Variants in GAB2 observed in about 807,000 individuals in gnomAD.
GAB2 encodes the protein GRB2 associated binding protein 2.
GAB2 carries 26 observed loss-of-function variants against 65.5 expected under a neutral mutation model. The ratio of observed to expected loss-of-function variants is 0.40; its 90% CI spans 0.29 to 0.55. The LOEUF (loss-of-function observed/expected upper bound fraction) is 0.55. Among genes scored for constraint, GAB2 ranks in the 20% least tolerant of loss-of-function variants. The pLI is 0.53. For synonymous variants in GAB2, 321 were observed against 329.6 expected (o/e 0.97, Z 0.28); for missense variants, 884 against 875.8 (o/e 1.01, Z -0.12).
chr11:78,257,339 C>T (rs1022628094), intron 2 of GAB2, among the ~76,000 whole-genome samples: 2 of 152,198 alleles, frequency 1.3e-5, no homozygotes, highest in African/African-American at 2.4e-5. Flanking sequence ...TATCCCCACC[C>T]TCAAGCCTCA....
At position 78,217,462 on chromosome 11, in the gene GAB2, T is replaced by G. The variant is rs999320565; in HGVS notation, c.*1810A>C. 6.6e-6 allele frequency: 1 copy of G among 152,252 alleles called. No homozygotes were observed. The highest frequency in any genetic ancestry group is 2.4e-5 in the African/African-American group (1 of 41,438). 9.4% of individuals were successfully genotyped at this position (152,252 alleles called of 1,614,324 possible). On this transcript the variant is annotated 3_prime_UTR_variant, in exon 10 of 10. Coordinates refer to ENST00000361507, the MANE Select transcript of GAB2 (RefSeq NM_080491.3). ...GCTAGGCCATTGGTCTGGTGAACTA[T>G]GCATGCTCATGGGAGCTGAAAGGGG...
chr11:78,253,318 G>A (rs962270075), intron 2 of GAB2, among the ~76,000 whole-genome samples: 2 of 152,038 alleles, frequency 1.3e-5, no homozygotes, highest in Non-Finnish European at 2.9e-5. Context: ...TAGAGACATG[G>A]TCTTGCTCTG....
At chr11:78,316,859 AGAAG>A (rs2134654237) in intron 1 of GAB2, among the ~76,000 whole-genome samples, 1 of 152,380 alleles carries the variant, frequency 6.6e-6, no homozygotes, top group Non-Finnish European at 1.5e-5. Flanking sequence ...AGCATTAGTC[AGAAG>A]AGCCAAAAGG....
At chr11:78,292,029 T>TGTGTGTGTGTGTGAGA (rs10577079) in intron 1 of GAB2, among the ~76,000 whole-genome samples, 1 of 105,886 alleles carries the variant, frequency 9.4e-6, no homozygotes. Context: ...TGTGTGTGTG[T>TGTGTGTGTGTGTGAGA]GAGAGAGAGA....
intron 1 of GAB2, among the ~76,000 whole-genome samples, chr11:78,367,288 C>T (rs1856509546): frequency 6.6e-6 from 1 of 152,218 alleles, no homozygotes; most frequent in Admixed American, 6.5e-5. Flanking sequence ...AGACAAAAAT[C>T]CTGCCTTCGA....
chr11:78,340,363 A>G (rs1308628193), intron 1 of GAB2, among the ~76,000 whole-genome samples: 1 of 152,218 alleles, frequency 6.6e-6, no homozygotes, highest in African/African-American at 2.4e-5. Flanking sequence ...AGATGGGCTG[A>G]GAATCAATGA....
intron 3 of GAB2, 21 bp from the exon 4 acceptor site, chr11:78,227,072 A>G (rs1864690945): frequency 1.3e-6 from 2 of 1,491,556 alleles, no homozygotes; most frequent in Non-Finnish European, 1.9e-6. Flanking sequence ...AAGAAGGGAA[A>G]GGGCAGGAGG....
Position 78,222,126 on chromosome 11 carries a change from G to C in GAB2, c.1637C>G (p.Thr546Ser), listed in dbSNP as rs1275161567. Residue 546 changes from threonine (T) to serine (S), a missense_variant, in exon 7 of 10, where the codon ACC (threonine) becomes AGC (serine). Thr to Ser is a moderately conservative substitution (Grantham distance 58, BLOSUM62 1). Coordinates refer to ENST00000361507, the MANE Select transcript of GAB2 (RefSeq NM_080491.3). Reference sequence around the variant, plus strand: ...TTACTTGGCCCTAGACCAAGACTTGGTGATAGGTGACTTGAAGGGGAGTTC... The same window carrying C: ...TTACTTGGCCCTAGACCAAGACTTGCTGATAGGTGACTTGAAGGGGAGTTC... ...IDELPFKSPI[T>S]KSWSRANHTF... 9 of 1,613,076 alleles carry C rather than the reference G, an allele frequency of 5.6e-6. No individual in the cohort carries two copies. Among genetic ancestry groups the C allele is most frequent in the Non-Finnish European group, 7.6e-6 (9 of 1,179,122 alleles).
At chr11:78,267,857 CAAAAAAAAAAAAA>C (rs751533828) in intron 2 of GAB2, among the ~76,000 whole-genome samples, 4 of 32,804 alleles carry the variant, frequency 1.2e-4, no homozygotes, top group Non-Finnish European at 2.0e-4. Flanking sequence ...GACTCCGTCT[CAAAAAAAAAAAAA>C]AAAAAAAAAA....
Position 78,217,435 on chromosome 11 carries a change from T to G in GAB2, c.*1837A>C, listed in dbSNP as rs1256877742. On this transcript the variant is annotated 3_prime_UTR_variant, in exon 10 of 10. Coordinates refer to ENST00000361507, the MANE Select transcript of GAB2 (RefSeq NM_080491.3). Reference sequence around the variant, plus strand: ...TTCTTCCAGGATGGGACTTAGAGAATGGCTAGGCCATTGGTCTGGTGAACT... The same window carrying G: ...TTCTTCCAGGATGGGACTTAGAGAAGGGCTAGGCCATTGGTCTGGTGAACT... 6.6e-6 allele frequency: 1 copy of G among 152,240 alleles called. No homozygotes were observed. The highest frequency in any genetic ancestry group is 1.5e-5 in the Non-Finnish European group (1 of 68,106). The allele number at this position is 152,240 out of a possible 1,614,324, so 9.4% of individuals were successfully genotyped here.
intron 1 of GAB2, among the ~76,000 whole-genome samples, chr11:78,370,196 G>C (rs1053711479): frequency 1.4e-5 from 2 of 147,334 alleles, no homozygotes; most frequent in African/African-American, 5.0e-5. Context: ...GGCGGAGCTT[G>C]CAGTGAGCTG....
At chr11:78,300,194 A>C in intron 1 of GAB2, among the ~76,000 whole-genome samples, 1 of 152,124 alleles carries the variant, frequency 6.6e-6, no homozygotes, top group East Asian at 1.9e-4. Context: ...GAACATCACA[A>C]AAAATGGAAT....
rs568251216 is a variant in GAB2, at chr11:78,237,569, A to G, written c.621-10518T>C. ...ATGGATTACAAGGGGGCATGAGGAA[A>G]TGTTATATAAATGCCACTGACTGTA... On this transcript the variant is annotated intron_variant, in intron 3 of 9. Transcript: ENST00000361507. Among the ~76,000 whole-genome samples, 4 of 152,360 alleles carry G rather than the reference A, an allele frequency of 2.6e-5. No individual in the cohort carries two copies. In the East Asian group the frequency reaches 5.8e-4, roughly 22 times the overall value.
chr11:78,309,491 A>G (rs1008083215), intron 1 of GAB2, among the ~76,000 whole-genome samples: 1 of 143,152 alleles, frequency 7.0e-6, no homozygotes, highest in Non-Finnish European at 1.5e-5. Flanking sequence ...TTAAATTGAG[A>G]CAGGGTCTCA....
intron 1 of GAB2, among the ~76,000 whole-genome samples, chr11:78,325,441 C>T (rs564011864): frequency 7.9e-4 from 120 of 152,268 alleles, no homozygotes; most frequent in Non-Finnish European, 1.3e-3. Context: ...TAATTTGAGT[C>T]CTAGTCCACT....
chr11:78,308,491 T>C (rs1855419060), intron 1 of GAB2, among the ~76,000 whole-genome samples: 1 of 152,198 alleles, frequency 6.6e-6, no homozygotes, highest in Non-Finnish European at 1.5e-5. Context: ...GCTGCCATTA[T>C]CAAGGAGTTT....
intron 2 of GAB2, among the ~76,000 whole-genome samples, chr11:78,254,209 T>C (rs985377731): frequency 6.6e-6 from 1 of 152,184 alleles, no homozygotes; most frequent in Non-Finnish European, 1.5e-5. Context: ...TTGAATGTCA[T>C]AGGTACATGG....
chr11:78,288,586 A>C (rs1057445381), intron 1 of GAB2, among the ~76,000 whole-genome samples: 1 of 152,144 alleles, frequency 6.6e-6, no homozygotes, highest in Non-Finnish European at 1.5e-5. Flanking sequence ...TGCCATTTAT[A>C]ATTGTTCTTA....
At chr11:78,387,550 T>C (rs1267680868) in intron 1 of GAB2, among the ~76,000 whole-genome samples, 1 of 152,250 alleles carries the variant, frequency 6.6e-6, no homozygotes, top group African/African-American at 2.4e-5. Flanking sequence ...GAAAAGGATG[T>C]GTAGAACTGC....
Sources: gnomAD v4.1 joint callset for allele counts (sites outside exome capture counted in the v4.1 genomes callset) on GRCh38, gnomAD v4.1.1 for gene constraint, MANE v1.5 for transcripts, NCBI Gene and HGNC (gene_info 2026-07-23, HGNC 2026-07-21) for gene names.